Variants in LRRTM3 observed in about 807,000 individuals in gnomAD.
The protein encoded by LRRTM3 is leucine-rich repeat transmembrane neuronal protein 3.
A neutral mutation model predicts 44.7 loss-of-function variants in LRRTM3; 24 were observed. The ratio of observed to expected loss-of-function variants is 0.54; its 90% CI spans 0.39 to 0.76. The LOEUF (loss-of-function observed/expected upper bound fraction) is 0.76, where lower values mean the gene tolerates loss of function less well. Among genes scored for constraint, LRRTM3 ranks in the 30% least tolerant of loss-of-function variants. The pLI, the probability that LRRTM3 is intolerant of heterozygous loss-of-function variation, is 0.00. For missense variants in LRRTM3, 587 were observed against 702.2 expected (o/e 0.84, Z 1.85); for synonymous variants, 277 against 278.7 (o/e 0.99, Z 0.06).
intron 2 of LRRTM3, among the ~76,000 whole-genome samples, chr10:66,972,330 A>AT (rs1268993104): frequency 2.0e-5 from 3 of 152,056 alleles, no homozygotes; most frequent in Non-Finnish European, 2.9e-5. Context: ...CAAAGAATAC[A>AT]TTTTTTTAGA....
intron 2 of LRRTM3, among the ~76,000 whole-genome samples, chr10:66,949,718 T>C (rs1289605246): frequency 1.3e-5 from 2 of 152,198 alleles, no homozygotes; most frequent in African/African-American, 2.4e-5. Flanking sequence ...GTCCATTTTC[T>C]TATGCTTGGC....
Position 66,957,431 on chromosome 10 carries a change from T to TATATATATATGC in LRRTM3, c.1536+28990_1536+29001dup, listed in dbSNP as rs1564794015. Reference sequence around the variant, plus strand: ...ATATATATGCATATATATATATGCATATATATATATGCATATATATATATG... The same window carrying TATATATATATGC: ...ATATATATGCATATATATATATGCATATATATATATGCATATATATATGCATATATATATATG... On this transcript the variant is annotated intron_variant, in intron 2 of 2. Transcript: ENST00000361320. Among the ~76,000 whole-genome samples the TATATATATATGC allele has an allele frequency of 1.7e-5, 2 of 118,564 alleles. 1 individual carries two copies. The highest frequency in any genetic ancestry group is 3.5e-5 in the Non-Finnish European group (2 of 56,506). 77.8% of individuals were successfully genotyped at this position (118,564 alleles called of 152,430 possible). A position where few individuals can be genotyped will look rare whatever the true frequency, so the allele number is the denominator to read the frequency against.
chr10:66,997,729 A>G (rs1428048265), intron 2 of LRRTM3, among the ~76,000 whole-genome samples: 2 of 152,112 alleles, frequency 1.3e-5, no homozygotes, highest in African/African-American at 4.8e-5. Context: ...ATTCCGTCAT[A>G]ACAATCTATA....
At chr10:66,940,726 T>C (rs1847950798) in intron 2 of LRRTM3, among the ~76,000 whole-genome samples, 3 of 152,152 alleles carry the variant, frequency 2.0e-5, no homozygotes. Context: ...AAGTAATCAA[T>C]GGCTAAATTA....
intron 2 of LRRTM3, among the ~76,000 whole-genome samples, chr10:67,067,254 T>C (rs1856150382): frequency 1.3e-5 from 2 of 152,046 alleles, no homozygotes; most frequent in African/African-American, 4.8e-5. Flanking sequence ...TATTTGTCTG[T>C]TCGTATTAGA....
chr10:67,083,531 T>A (rs905786792), intron 2 of LRRTM3, among the ~76,000 whole-genome samples: 1 of 152,230 alleles, frequency 6.6e-6, no homozygotes, highest in Non-Finnish European at 1.5e-5. Context: ...ACATTTGAGT[T>A]ATATGTGAAT....
At chr10:66,960,653 G>A (rs905560917) in intron 2 of LRRTM3, among the ~76,000 whole-genome samples, 1 of 152,168 alleles carries the variant, frequency 6.6e-6, no homozygotes, top group South Asian at 2.1e-4. Flanking sequence ...CATTCTGAAA[G>A]ATATTGGAAG....
intron 2 of LRRTM3, among the ~76,000 whole-genome samples, chr10:66,964,757 G>A (rs754017059): frequency 6.6e-6 from 1 of 152,138 alleles, no homozygotes; most frequent in Non-Finnish European, 1.5e-5. Context: ...AAGGCAGCAT[G>A]GAAGTAGGAG....
Position 66,974,804 on chromosome 10 carries a change from G to GT in LRRTM3, c.1536+46363dup, listed in dbSNP as rs995518438. Among the ~76,000 whole-genome samples, 1,014 of 139,880 alleles carry GT rather than the reference G, an allele frequency of 7.2e-3. 13 individuals are homozygous for GT. The highest frequency in any genetic ancestry group is 0.012 in the African/African-American group (462 of 38,566). The allele number at this position is 139,880 out of a possible 152,430, so 91.8% of individuals were successfully genotyped here. ...CTTTTCATGTGCTTACCAACCATTT[G>GT]TTTTTTTTTTTCTGAAGTGTCTGTT... is the stretch of plus-strand genomic sequence containing the variant. On this transcript the variant is annotated intron_variant, in intron 2 of 2. Coordinates refer to ENST00000361320, the MANE Select transcript of LRRTM3 (RefSeq NM_178011.5).
chr10:67,050,873 T>G (rs531769468), intron 2 of LRRTM3, among the ~76,000 whole-genome samples: 10 of 152,352 alleles, frequency 6.6e-5, no homozygotes, highest in African/African-American at 2.4e-4. Flanking sequence ...TTGTTTGGAT[T>G]ACTTACATAC....
rs181427905 is a variant in LRRTM3, at chr10:67,019,941, C to A, written c.1537-77646C>A. 9.2e-5 allele frequency among the ~76,000 whole-genome samples: 14 copies of A among 152,186 alleles called. No homozygotes were observed. In the South Asian group the frequency reaches 2.7e-3, roughly 29 times the overall value. On this transcript the variant is annotated intron_variant, in intron 2 of 2. Coordinates refer to ENST00000361320, the MANE Select transcript of LRRTM3 (RefSeq NM_178011.5). ...ATTAAATGCATTTATGAAATAAGAACGTCACTTGTTTAATTTGCTTTAAAT... is the reference window on the plus strand; with the variant it reads ...ATTAAATGCATTTATGAAATAAGAAAGTCACTTGTTTAATTTGCTTTAAAT...
At chr10:67,043,126 ACTTT>A (rs201312568) in intron 2 of LRRTM3, among the ~76,000 whole-genome samples, 12 of 104,266 alleles carry the variant, frequency 1.2e-4, no homozygotes, top group African/African-American at 1.9e-4. Context: ...CTCAAGGCTC[ACTTT>A]CTTTCTTTTT....
At chr10:67,017,021 C>T (rs1852701576) in intron 2 of LRRTM3, among the ~76,000 whole-genome samples, 2 of 152,264 alleles carry the variant, frequency 1.3e-5, no homozygotes, top group Non-Finnish European at 2.9e-5. Context: ...AGACACTTGG[C>T]TAGGTGCAGG....
intron 2 of LRRTM3, among the ~76,000 whole-genome samples, chr10:66,984,152 C>G (rs1564812143): frequency 6.6e-6 from 1 of 151,734 alleles, no homozygotes; most frequent in African/African-American, 2.4e-5. Context: ...CATCCGCTAC[C>G]AAAAAAAACA....
intron 2 of LRRTM3, among the ~76,000 whole-genome samples, chr10:67,079,090 G>A (rs1448935685): frequency 6.6e-6 from 1 of 152,140 alleles, no homozygotes; most frequent in Non-Finnish European, 1.5e-5. Context: ...TAATATCTGG[G>A]AGGACCAGGA....
chr10:67,069,031 G>A (rs1856269700), intron 2 of LRRTM3, among the ~76,000 whole-genome samples: 1 of 146,336 alleles, frequency 6.8e-6, no homozygotes. Context: ...TCCACTCTGG[G>A]CAACAGAGCA....
In LRRTM3 at chr10:66,927,614, A is replaced by G. The variant is rs1847148035; in HGVS notation, c.698A>G (p.Asn233Ser). ...TTTCCAAGGTTGGTCAGCCTTCAGA[A>G]CCTTTACTTGCAGTGGAATAAAATC... is the stretch of plus-strand genomic sequence containing the variant. Reference protein sequence around the residue: ...ALFPRLVSLQNLYLQWNKISV... With the variant: ...ALFPRLVSLQSLYLQWNKISV... Residue 233 changes from asparagine to serine, a missense_variant, in exon 2 of 3, where the codon AAC becomes AGC. Transcript: ENST00000361320. The surrounding 1 kb of genome is among the most constrained non-coding windows in gnomAD (Gnocchi z 4.7). The G allele has an allele frequency of 1.2e-6, 2 of 1,614,192 alleles. No homozygotes were observed. Among genetic ancestry groups the G allele is most frequent in the East Asian group, 4.5e-5 (2 of 44,882 alleles).
At chr10:67,074,342 C>CTTTT (rs36186252) in intron 2 of LRRTM3, among the ~76,000 whole-genome samples, 25 of 68,744 alleles carry the variant, frequency 3.6e-4, no homozygotes, top group African/African-American at 9.0e-4. Context: ...CACTTTAACT[C>CTTTT]TTTTTTTTTT....
At chr10:67,040,151 G>T (rs1854302629) in intron 2 of LRRTM3, among the ~76,000 whole-genome samples, 1 of 152,080 alleles carries the variant, frequency 6.6e-6, no homozygotes, top group Non-Finnish European at 1.5e-5. Context: ...CCAAAAATGT[G>T]CATGTTAAGT....
Sources: gnomAD v4.1 joint callset for allele counts (sites outside exome capture counted in the v4.1 genomes callset) on GRCh38, gnomAD v4.1.1 for gene constraint, Gnocchi (gnomAD v3.1) non-coding constraint, MANE v1.5 for transcripts, NCBI Gene and HGNC (gene_info 2026-07-23, HGNC 2026-07-21) for gene names.